The following RXRA variants were observed in gnomAD, a reference collection of about 807,000 sequenced individuals.
RXRA encodes retinoid X receptor alpha.
Under a neutral mutation model 44.5 loss-of-function variants are expected in RXRA, and 5 were observed. That is an observed-to-expected ratio of 0.11 (90% confidence interval 0.06 to 0.24). The LOEUF (loss-of-function observed/expected upper bound fraction) is 0.24. Among genes scored for constraint, RXRA ranks in the 10% least tolerant of loss-of-function variants. The probability of loss-of-function intolerance (pLI) is 1.00; values close to 1 mark genes in which losing one functional copy is unlikely to be tolerated. For missense variants in RXRA, 412 were observed against 646.5 expected, an observed-to-expected ratio of 0.64 and a Z score of 3.93; for synonymous variants, 291 against 271.4, an observed-to-expected ratio of 1.07 and a Z score of -0.71.
intron 5 of RXRA, 76 bp from the exon 6 acceptor site, chr9:134,421,600 G>A (rs1831332013): frequency 9.4e-6 from 14 of 1,482,962 alleles, no homozygotes; most frequent in Non-Finnish European, 1.3e-5. Context: ...CGTGTGGCAG[G>A]GCCTGGTCTG....
At chr9:134,345,130 T>G (rs1830134875) in intron 1 of RXRA, among the ~76,000 whole-genome samples, 1 of 152,232 alleles carries the variant, frequency 6.6e-6, no homozygotes, top group South Asian at 2.1e-4. Context: ...GCCCCTGGTC[T>G]GCTGGGACCA....
chr9:134,401,695 C>G lies in RXRA; in HGVS notation c.92C>G (p.Pro31Arg), dbSNP rs1220553541. The G allele has an allele frequency of 6.2e-7, 1 of 1,613,124 alleles. No individual in the cohort carries two copies. Among genetic ancestry groups the G allele is most frequent in the Admixed American group, 1.7e-5 (1 of 60,028 alleles). ...SPTGRGSMAAPSLHPSLGPGI... is the reference protein window; with the variant it reads ...SPTGRGSMAARSLHPSLGPGI... ...ACGGGGCGAGGCTCCATGGCTGCCC[C>G]CTCGCTGCACCCGTCCCTGGGGCCT... The change falls in exon 2 of 10, where the codon CCC (proline) becomes CGC (arginine). Residue 31 changes from proline to arginine, a missense_variant. Physicochemically the swap from Pro to Arg is moderately radical, Grantham distance 103 (BLOSUM62 -2). Coordinates refer to ENST00000481739, the MANE Select transcript of RXRA (RefSeq NM_002957.6).
At chr9:134,402,143 A>C in intron 2 of RXRA, 4 of 522,270 alleles carry the variant, frequency 7.7e-6, no homozygotes, top group Non-Finnish European at 1.4e-5. Context: ...GCCCCTTCCC[A>C]TGCCGGAGGG....
intron 4 of RXRA, among the ~76,000 whole-genome samples, chr9:134,414,381 G>A (rs1831199314): frequency 6.6e-6 from 1 of 152,254 alleles, no homozygotes. Flanking sequence ...GGCGCGTGGG[G>A]TGGGAGGCTC....
Position 134,343,997 on chromosome 9 carries a change from C to G in RXRA, c.28+17338C>G, listed in dbSNP as rs1248725738. On this transcript the variant is annotated intron_variant, in intron 1 of 9. Coordinates refer to ENST00000481739, the MANE Select transcript of RXRA (RefSeq NM_002957.6). This position sits in a 1 kb window ranked among gnomAD's most constrained non-coding sequence, Gnocchi z 4.1. ...CCCTTCCTCATGGGGCCTGGTCCTG[C>G]TGAGGTTCCCGGGGGCCGTGCCCTA... is the stretch of plus-strand genomic sequence containing the variant. 6.6e-6 allele frequency among the ~76,000 whole-genome samples: 1 copy of G among 150,776 alleles called. No individual in the cohort carries two copies. The highest frequency in any genetic ancestry group is 2.4e-5 in the African/African-American group (1 of 41,030).
At chr9:134,408,776 A>G (rs1321970960) in intron 3 of RXRA, among the ~76,000 whole-genome samples, 164 bp from the exon 4 acceptor site, 1 of 152,130 alleles carries the variant, frequency 6.6e-6, no homozygotes, top group African/African-American at 2.4e-5. Context: ...AGGAGCAGAG[A>G]GAGTGAGGCT....
At chr9:134,363,246 G>A (rs1424814457) in intron 1 of RXRA, among the ~76,000 whole-genome samples, 2 of 152,210 alleles carry the variant, frequency 1.3e-5, no homozygotes, top group Non-Finnish European at 2.9e-5. Flanking sequence ...GGGCGAGGGG[G>A]TGGGGGCCTC....
At chr9:134,422,054 T>G in intron 6 of RXRA, 1 of 1,165,318 alleles carries the variant, frequency 8.6e-7, no homozygotes, top group Non-Finnish European at 1.1e-6. Flanking sequence ...CCCAGGACGC[T>G]CCCCTCTCCC....
At chr9:134,411,181 C>CCG (rs1831142506) in intron 4 of RXRA, among the ~76,000 whole-genome samples, 1 of 152,212 alleles carries the variant, frequency 6.6e-6, no homozygotes, top group Non-Finnish European at 1.5e-5. Flanking sequence ...GTCCCGGACC[C>CCG]TCCAGGCTGC....
Position 134,343,733 on chromosome 9 carries a change from C to CT in RXRA, c.28+17074_28+17075insT. Reference sequence around the variant, plus strand: ...CCTGGGGGCCTCGGGACCAACCCTCCATCCGCCCGTCCCCAGCCGGGCGCG... The same window carrying CT: ...CCTGGGGGCCTCGGGACCAACCCTCCTATCCGCCCGTCCCCAGCCGGGCGCG... On this transcript the variant is annotated intron_variant, in intron 1 of 9. Coordinates refer to ENST00000481739, the MANE Select transcript of RXRA (RefSeq NM_002957.6). The surrounding 1 kb of genome is among the most constrained non-coding windows in gnomAD (Gnocchi z 4.1). 6.6e-6 allele frequency among the ~76,000 whole-genome samples: 1 copy of CT among 152,238 alleles called. No individual in the cohort carries two copies. The highest frequency in any genetic ancestry group is 2.1e-4 in the South Asian group (1 of 4,822).
chr9:134,379,048 C>T (rs1830600677), intron 1 of RXRA, among the ~76,000 whole-genome samples: 1 of 152,212 alleles, frequency 6.6e-6, no homozygotes, highest in Non-Finnish European at 1.5e-5. Context: ...TCAGCAAATG[C>T]AGCTCCTGCT....
chr9:134,347,867 C>T (rs1345181205), intron 1 of RXRA, among the ~76,000 whole-genome samples: 3 of 152,142 alleles, frequency 2.0e-5, no homozygotes, highest in Non-Finnish European at 4.4e-5. Context: ...GGTGCTGGGC[C>T]TGTCCTGACA....
At chr9:134,392,752 G>A (rs915322768) in intron 1 of RXRA, among the ~76,000 whole-genome samples, 1 of 152,166 alleles carries the variant, frequency 6.6e-6, no homozygotes, top group African/African-American at 2.4e-5. Flanking sequence ...TCAGATTTGC[G>A]GTCCCTGGTC....
At chr9:134,380,565 C>T (rs1000101731) in intron 1 of RXRA, among the ~76,000 whole-genome samples, 1 of 151,904 alleles carries the variant, frequency 6.6e-6, no homozygotes, top group African/African-American at 2.4e-5. Context: ...GTTGGGGTGT[C>T]CAGGGACTGG....
intron 9 of RXRA, among the ~76,000 whole-genome samples, chr9:134,435,167 T>A (rs1010143355): frequency 2.6e-5 from 4 of 152,204 alleles, no homozygotes; most frequent in Non-Finnish European, 4.4e-5. Flanking sequence ...ACCACAGAGC[T>A]TTTCCCTGAA....
At chr9:134,346,605 T>C (rs1393246418) in intron 1 of RXRA, among the ~76,000 whole-genome samples, 3 of 152,206 alleles carry the variant, frequency 2.0e-5, no homozygotes, top group African/African-American at 7.2e-5. Flanking sequence ...GGACCTGCCC[T>C]AGGTCCTGGC....
rs759992284 is a variant in RXRA, at chr9:134,408,195, C to G, written c.326C>G (p.Pro109Arg). The G allele has an allele frequency of 6.2e-7, 1 of 1,602,798 alleles. No homozygotes were observed. Among genetic ancestry groups the G allele is most frequent in the South Asian group, 1.1e-5 (1 of 89,860 alleles). ...NPVSSSEDIKPPLGLNGVLKV... is the reference protein window; with the variant it reads ...NPVSSSEDIKRPLGLNGVLKV... ...GTCAGCAGCAGCGAGGACATCAAGC[C>G]CCCCCTGGGCCTCAATGGCGTCCTC... The change falls in exon 3 of 10, where the codon CCC becomes CGC. Residue 109 changes from proline (P) to arginine (R), a missense_variant. By Grantham distance (103) the Pro-to-Arg change is moderately radical. Coordinates refer to ENST00000481739, the MANE Select transcript of RXRA (RefSeq NM_002957.6).
At chr9:134,370,848 G>C (rs1329533784) in intron 1 of RXRA, among the ~76,000 whole-genome samples, 1 of 152,252 alleles carries the variant, frequency 6.6e-6, no homozygotes, top group Admixed American at 6.5e-5. Context: ...CACTCCAGGA[G>C]AGAACGCTGC....
chr9:134,330,430 G>C (rs1260192748), intron 1 of RXRA, among the ~76,000 whole-genome samples: 2 of 152,198 alleles, frequency 1.3e-5, no homozygotes, highest in African/African-American at 2.4e-5. Flanking sequence ...GCCTGTGGCT[G>C]TTGGGGGCTG....
Sources: gnomAD v4.1 joint callset for allele counts (sites outside exome capture counted in the v4.1 genomes callset) on GRCh38, gnomAD v4.1.1 for gene constraint, Gnocchi (gnomAD v3.1) non-coding constraint, MANE v1.5 for transcripts, NCBI Gene and HGNC (gene_info 2026-07-23, HGNC 2026-07-21) for gene names.